KIF26B: variants seen among roughly 807,000 people sequenced by gnomAD.
The protein encoded by KIF26B is kinesin-like protein KIF26B.
A neutral mutation model predicts 151.2 loss-of-function variants in KIF26B; 63 were observed. That is an observed-to-expected ratio of 0.42 (90% CI 0.34 to 0.51). The LOEUF (loss-of-function observed/expected upper bound fraction) is 0.51, where lower values mean the gene tolerates loss of function less well. Ranked by LOEUF, KIF26B falls within the 20% of genes least tolerant of loss-of-function variation. The pLI, the probability that KIF26B is intolerant of heterozygous loss-of-function variation, is 0.07. For synonymous variants in KIF26B, 1,357 were observed against 1,262.1 expected (o/e 1.08, Z -1.59); for missense variants, 2,813 against 2,913.6 (o/e 0.97, Z 0.79).
intron 7 of KIF26B, among the ~76,000 whole-genome samples, chr1:245,607,982 T>C (rs1451089719): frequency 1.3e-5 from 2 of 152,090 alleles, no homozygotes; most frequent in Admixed American, 6.5e-5. Context: ...AGTAGCAGAG[T>C]TGTTCCCACT....
intron 4 of KIF26B, among the ~76,000 whole-genome samples, chr1:245,440,533 CA>C (rs1160017097): frequency 1.3e-5 from 2 of 152,132 alleles, no homozygotes; most frequent in Non-Finnish European, 2.9e-5. Context: ...CCACAGATGG[CA>C]GGCTGCTTGC....
chr1:245,175,405 A>G (rs946466761), intron 2 of KIF26B, among the ~76,000 whole-genome samples: 2 of 152,128 alleles, frequency 1.3e-5, no homozygotes, highest in Non-Finnish European at 2.9e-5. Flanking sequence ...TGTGCTGTGA[A>G]CGTGATCATG....
intron 2 of KIF26B, among the ~76,000 whole-genome samples, chr1:245,353,339 G>T (rs556662239): frequency 6.6e-6 from 1 of 152,322 alleles, no homozygotes; most frequent in South Asian, 2.1e-4. Context: ...CTCAGCCTTT[G>T]CTCAGACGCT....
chr1:245,288,639 G>T (rs1462926693), intron 2 of KIF26B, among the ~76,000 whole-genome samples: 2 of 152,144 alleles, frequency 1.3e-5, no homozygotes, highest in Non-Finnish European at 2.9e-5. Flanking sequence ...TGGATGGTGG[G>T]GTTCCGAATG....
intron 10 of KIF26B, among the ~76,000 whole-genome samples, chr1:245,652,179 A>G (rs573520404): frequency 3.0e-4 from 45 of 151,492 alleles, no homozygotes; most frequent in African/African-American, 1.1e-3. Flanking sequence ...CCTCCTTTAA[A>G]TGTACATTAA....
At chr1:245,407,827 G>C (rs1469296205) in intron 3 of KIF26B, among the ~76,000 whole-genome samples, 1 of 152,150 alleles carries the variant, frequency 6.6e-6, no homozygotes, top group Non-Finnish European at 1.5e-5. Context: ...AAGGTCCTAA[G>C]GTTGACTATT....
At chr1:245,366,745 C>G in intron 2 of KIF26B, 89 bp from the exon 3 acceptor site, 1 of 1,282,756 alleles carries the variant, frequency 7.8e-7, no homozygotes, top group South Asian at 1.4e-5. Context: ...GAGTACGTCT[C>G]GGGTTTGACT....
chr1:245,383,438 C>T (rs182037115), intron 3 of KIF26B, among the ~76,000 whole-genome samples: 324 of 152,354 alleles, frequency 2.1e-3, no homozygotes, highest in Admixed American at 4.5e-3. Flanking sequence ...TCCCAGCCTA[C>T]TTCAAAGGCA....
chr1:245,622,429 A>G (rs973190723), intron 9 of KIF26B, among the ~76,000 whole-genome samples: 1 of 152,020 alleles, frequency 6.6e-6, no homozygotes, highest in African/African-American at 2.4e-5. Flanking sequence ...GTTGCCGAAT[A>G]TTTTCATCCT....
At chr1:245,209,413 C>A (rs4658448) in intron 2 of KIF26B, among the ~76,000 whole-genome samples, 148,527 of 152,088 alleles carry the variant, frequency 0.98, 72,574 homozygotes, top group East Asian at 1. Context: ...AAAAATAAAA[C>A]AAGAAAAAAA....
intron 5 of KIF26B, among the ~76,000 whole-genome samples, chr1:245,547,291 A>G (rs1661766873): frequency 6.6e-6 from 1 of 152,184 alleles, no homozygotes; most frequent in Non-Finnish European, 1.5e-5. Flanking sequence ...GGACGTGTAT[A>G]AAGAAAGTGT....
intron 4 of KIF26B, among the ~76,000 whole-genome samples, chr1:245,430,275 G>T (rs1440621623): frequency 6.6e-6 from 1 of 151,896 alleles, no homozygotes; most frequent in African/African-American, 2.4e-5. Flanking sequence ...TATATGTTGC[G>T]TAAATTTGTT....
intron 2 of KIF26B, among the ~76,000 whole-genome samples, chr1:245,234,053 G>A (rs900548402): frequency 4.6e-5 from 7 of 151,912 alleles, no homozygotes; most frequent in East Asian, 3.9e-4. Flanking sequence ...GCATGGTGGC[G>A]GGCACCTGTA....
intron 11 of KIF26B, among the ~76,000 whole-genome samples, chr1:245,684,621 C>T (rs2044485745): frequency 6.6e-6 from 1 of 152,242 alleles, no homozygotes; most frequent in Non-Finnish European, 1.5e-5. Context: ...CCTGGTCACC[C>T]AGCCTGGACC....
rs566273885 is a variant in KIF26B at position 245,706,928 on chromosome 1, T to A, written c.*4322T>A. On this transcript the variant is annotated 3_prime_UTR_variant, in exon 15 of 15. Coordinates refer to ENST00000407071, the MANE Select transcript of KIF26B (RefSeq NM_018012.4). Reference sequence around the variant, plus strand: ...GGGGCAGTGTTTCTTTGGATTCTGATACCTCTTTTTCCACCTCCAGAAAGT... The same window carrying A: ...GGGGCAGTGTTTCTTTGGATTCTGAAACCTCTTTTTCCACCTCCAGAAAGT... 6.6e-6 allele frequency: 1 copy of A among 152,358 alleles called. No individual in the cohort carries two copies. Among genetic ancestry groups the A allele is most frequent in the East Asian group, 1.9e-4 (1 of 5,188 alleles). The allele number at this position is 152,358 out of a possible 1,614,324, so 9.4% of individuals were successfully genotyped here.
At chr1:245,690,682 G>GCT (rs535656357) in intron 12 of KIF26B, among the ~76,000 whole-genome samples, 252 of 151,864 alleles carry the variant, frequency 1.7e-3, no homozygotes, top group African/African-American at 5.7e-3. Context: ...GGGATGTTAG[G>GCT]CTCTAAGCAT....
At chr1:245,304,715 A>G (rs1410044049) in intron 2 of KIF26B, among the ~76,000 whole-genome samples, 2 of 151,826 alleles carry the variant, frequency 1.3e-5, no homozygotes, top group Non-Finnish European at 2.9e-5. Flanking sequence ...CCATCCATCC[A>G]TCCATCCATC....
chr1:245,588,709 G>A (rs1375407078), intron 5 of KIF26B, among the ~76,000 whole-genome samples: 8 of 152,258 alleles, frequency 5.3e-5, no homozygotes, highest in Non-Finnish European at 1.2e-4. Flanking sequence ...TGTTTTATGC[G>A]TAAACCCAAC....
intron 10 of KIF26B, among the ~76,000 whole-genome samples, chr1:245,670,708 T>C (rs991914346): frequency 4.6e-5 from 7 of 152,164 alleles, no homozygotes; most frequent in African/African-American, 1.7e-4. Context: ...GAATGTATCT[T>C]TCAATTTTTA....
Sources: gnomAD v4.1 joint callset for allele counts (sites outside exome capture counted in the v4.1 genomes callset) on GRCh38, gnomAD v4.1.1 for gene constraint, MANE v1.5 for transcripts, NCBI Gene and HGNC (gene_info 2026-07-23, HGNC 2026-07-21) for gene names.